Variants in CCDC149 observed in about 807,000 individuals in gnomAD.
CCDC149 encodes coiled-coil domain containing 149, also known as coiled-coil domain-containing protein 149.
In CCDC149, 45 loss-of-function variants were observed where a neutral mutation model predicts 59.9. That is an observed-to-expected ratio of 0.75 (90% CI 0.59 to 0.96). The LOEUF (loss-of-function observed/expected upper bound fraction) is 0.96. Among genes scored for constraint, CCDC149 ranks in the 40% least tolerant of loss-of-function variants. CCDC149 has a pLI of 0.00. For synonymous variants in CCDC149, 245 were observed against 260.6 expected, an observed-to-expected ratio of 0.94 and a Z score of 0.58; for missense variants, 584 against 664.7, an observed-to-expected ratio of 0.88 and a Z score of 1.33.
At chr4:24,917,658 G>A (rs960647437), upstream of CCDC149, among the ~76,000 whole-genome samples, 6 of 152,142 alleles carry the variant, frequency 3.9e-5, no homozygotes, top group Non-Finnish European at 8.8e-5. Flanking sequence ...AACCGTGGGC[G>A]TCGGTGGGGT....
intron 1 of CCDC149, among the ~76,000 whole-genome samples, chr4:24,963,571 A>G (rs867420444): frequency 1.3e-5 from 2 of 152,150 alleles, no homozygotes; most frequent in South Asian, 2.1e-4. Flanking sequence ...AGTGGACCCA[A>G]TGGGGATCTG....
chr4:24,898,665 C>G (rs566144914), intron 1 of CCDC149, among the ~76,000 whole-genome samples: 1 of 152,150 alleles, frequency 6.6e-6, no homozygotes, highest in Non-Finnish European at 1.5e-5. Context: ...GACCACCCAC[C>G]ATTCTGAGGA....
intron 9 of CCDC149, 194 bp from the exon 10 acceptor site, chr4:24,822,767 A>T: frequency 2.4e-6 from 1 of 411,074 alleles, no homozygotes. Flanking sequence ...AAGTACAGTG[A>T]ATGATTAAAA....
intron 4 of CCDC149, among the ~76,000 whole-genome samples, chr4:24,845,667 T>TTA (rs1717242917): frequency 6.6e-6 from 1 of 152,198 alleles, no homozygotes; most frequent in Non-Finnish European, 1.5e-5. Flanking sequence ...AGGGACTCAT[T>TTA]GATATTGTTT....
chr4:24,857,138 A>G (rs781361024), intron 3 of CCDC149, among the ~76,000 whole-genome samples: 16 of 152,178 alleles, frequency 1.1e-4, no homozygotes, highest in Non-Finnish European at 1.9e-4. Flanking sequence ...TTTTAAATCA[A>G]TATTTCCTTA....
At chr4:24,894,881 A>G (rs1257978171) in intron 1 of CCDC149, 1 of 1,417,538 alleles carries the variant, frequency 7.1e-7, no homozygotes, top group East Asian at 2.5e-5. Flanking sequence ...TGCTAGAACC[A>G]AACAGAACCC....
At chr4:24,909,667 G>A (rs1477419497) in intron 1 of CCDC149, among the ~76,000 whole-genome samples, 2 of 152,174 alleles carry the variant, frequency 1.3e-5, no homozygotes, top group Non-Finnish European at 2.9e-5. Context: ...CCTGGTGGGA[G>A]ATAATTGAAT....
chr4:24,839,427 C>T (rs543310428), intron 4 of CCDC149, among the ~76,000 whole-genome samples: 75 of 152,308 alleles, frequency 4.9e-4, no homozygotes, highest in Non-Finnish European at 6.3e-4. Flanking sequence ...GATCCGCCTG[C>T]CTCAGCCTCC....
chr4:24,805,923 G>A (rs995403886), downstream of CCDC149, among the ~76,000 whole-genome samples: 1 of 152,180 alleles, frequency 6.6e-6, no homozygotes, highest in Non-Finnish European at 1.5e-5. Context: ...TTTCTTGAAT[G>A]TATAGCCCTG....
chr4:24,864,617 T>A (rs1298630670), intron 3 of CCDC149, among the ~76,000 whole-genome samples: 3 of 152,222 alleles, frequency 2.0e-5, no homozygotes, highest in Non-Finnish European at 4.4e-5. Flanking sequence ...CGGTCTCCCG[T>A]TCAGCTGGCC....
intron 1 of CCDC149, among the ~76,000 whole-genome samples, chr4:24,897,988 G>A (rs1192208385): frequency 6.6e-6 from 1 of 152,078 alleles, no homozygotes; most frequent in South Asian, 2.1e-4. Flanking sequence ...ACTGGCTAGT[G>A]AGAGAGAGTC....
intron 1 of CCDC149, among the ~76,000 whole-genome samples, chr4:24,895,798 AG>A (rs771556662): frequency 1.3e-5 from 2 of 152,158 alleles, no homozygotes; most frequent in Non-Finnish European, 2.9e-5. Flanking sequence ...CCCACAACAG[AG>A]GGGCTATGAG....
At chr4:24,876,078 G>C (rs1045536033) in intron 2 of CCDC149, among the ~76,000 whole-genome samples, 1 of 151,960 alleles carries the variant, frequency 6.6e-6, no homozygotes, top group Admixed American at 6.6e-5. Context: ...GGGTATCCAC[G>C]ATGCCTACGT....
intron 1 of CCDC149, among the ~76,000 whole-genome samples, chr4:24,937,609 C>T (rs545801035): frequency 1.4e-4 from 22 of 152,322 alleles, no homozygotes; most frequent in Admixed American, 1.0e-3. Flanking sequence ...TGTTAAAGAT[C>T]GTACTGGTTG....
chr4:24,855,861 G>C (rs1275592414), intron 3 of CCDC149, among the ~76,000 whole-genome samples: 1 of 152,210 alleles, frequency 6.6e-6, no homozygotes, highest in Non-Finnish European at 1.5e-5. Flanking sequence ...ACAAATGACT[G>C]CCTTTGGAAA....
intron 1 of CCDC149, among the ~76,000 whole-genome samples, chr4:24,967,606 T>C (rs548056399): frequency 2.6e-4 from 40 of 151,108 alleles, no homozygotes; most frequent in African/African-American, 9.2e-4. Context: ...GATGGACTTC[T>C]ACAGTGTTGC....
Position 24,837,541 on chromosome 4 carries a change from C to T in CCDC149, c.490-141G>A, listed in dbSNP as rs1366394898. ...GCATGCCCTAAAGCCATAAGCGCCA[C>T]ACACTGAAATACAATAACAGCTAAA... On this transcript the variant is annotated intron_variant, in intron 5 of 12. Transcript: ENST00000635206. This position sits in a 1 kb window ranked among gnomAD's most constrained non-coding sequence, Gnocchi z 4.3. 3 of 688,640 alleles carry T rather than the reference C, an allele frequency of 4.4e-6. No homozygotes were observed. Among genetic ancestry groups the T allele is most frequent in the Admixed American group, 2.8e-5 (1 of 35,096 alleles). 42.7% of individuals were successfully genotyped at this position (688,640 alleles called of 1,614,324 possible).
chr4:24,916,084 G>A (rs1430429331), upstream of CCDC149, among the ~76,000 whole-genome samples: 1 of 152,186 alleles, frequency 6.6e-6, no homozygotes, highest in African/African-American at 2.4e-5. Context: ...AAAACCTGGT[G>A]CCCTTGTCTT....
chr4:24,886,839 G>A (rs902342776), intron 1 of CCDC149, among the ~76,000 whole-genome samples: 1 of 152,008 alleles, frequency 6.6e-6, no homozygotes, highest in African/African-American at 2.4e-5. Flanking sequence ...GAAGACAGCT[G>A]GTGTATACTA....
Sources: gnomAD v4.1 joint callset for allele counts (sites outside exome capture counted in the v4.1 genomes callset) on GRCh38, gnomAD v4.1.1 for gene constraint, Gnocchi (gnomAD v3.1) non-coding constraint, MANE v1.5 for transcripts, NCBI Gene and HGNC (gene_info 2026-07-23, HGNC 2026-07-21) for gene names.